The following FAR2 variants were observed in gnomAD, a reference collection of about 807,000 sequenced individuals.
FAR2 encodes the protein epididymis secretory protein Li 81.
In FAR2, 19 loss-of-function variants were observed where a neutral mutation model predicts 56.0. The ratio of observed to expected loss-of-function variants is 0.34; its 90% CI spans 0.24 to 0.50. The LOEUF is 0.50. FAR2 is among the 20% of genes least tolerant of loss of function. The probability of loss-of-function intolerance (pLI) is 0.98; values close to 1 mark genes in which losing one functional copy is unlikely to be tolerated. For missense variants in FAR2, 508 were observed against 642.2 expected (o/e 0.79, Z 2.26); for synonymous variants, 219 against 218.8 (o/e 1.00, Z -0.01).
At chr12:29,330,614 C>T (rs553564961) in intron 10 of FAR2, among the ~76,000 whole-genome samples, 13 of 152,222 alleles carry the variant, frequency 8.5e-5, no homozygotes, top group African/African-American at 3.1e-4. Flanking sequence ...ACTACTAAAT[C>T]TTTAAGATGT....
chr12:29,324,393 G>A (rs571232979), intron 10 of FAR2, among the ~76,000 whole-genome samples: 2 of 152,158 alleles, frequency 1.3e-5, no homozygotes, highest in African/African-American at 4.8e-5. Flanking sequence ...AGGAAATACA[G>A]AGAATGCCAC....
chr12:29,257,068 C>A (rs1045138269), intron 1 of FAR2, among the ~76,000 whole-genome samples: 2 of 152,362 alleles, frequency 1.3e-5, no homozygotes, highest in Admixed American at 1.3e-4. Context: ...ATCTGTAGAC[C>A]GAGTGCGGGA....
intron 1 of FAR2, among the ~76,000 whole-genome samples, chr12:29,188,772 T>G (rs1950070608): frequency 6.6e-6 from 1 of 151,818 alleles, no homozygotes; most frequent in Non-Finnish European, 1.5e-5. Context: ...TGATTGTTTG[T>G]TTTTTGTTTT....
intron 1 of FAR2, among the ~76,000 whole-genome samples, chr12:29,250,539 T>C (rs1948191696): frequency 6.6e-6 from 1 of 152,202 alleles, no homozygotes; most frequent in Admixed American, 6.5e-5. Flanking sequence ...TATTATTTAT[T>C]TTGTTAGTTA....
rs1949781460 is a variant in FAR2, at chr12:29,335,444, C to T, written c.*1650C>T. 1 of 152,076 alleles carries T rather than the reference C, an allele frequency of 6.6e-6. No individual in the cohort carries two copies. The allele number at this position is 152,076 out of a possible 1,614,324, so 9.4% of individuals were successfully genotyped here. On this transcript the variant is annotated 3_prime_UTR_variant, in exon 12 of 12. Transcript: ENST00000536681. ...TGAGTTATATCAATTAAGATACAAG[C>T]TATAGACATGATAAAAATATGAAAT...
intron 8 of FAR2, 68 bp from the exon 9 acceptor site, chr12:29,316,773 A>C: frequency 6.7e-7 from 1 of 1,487,116 alleles, no homozygotes; most frequent in South Asian, 1.2e-5. Flanking sequence ...CCCATTACAA[A>C]TGCTTTCCAC....
Position 29,307,490 on chromosome 12 carries a change from T to G in FAR2, c.546-168T>G, listed in dbSNP as rs115529954. Among the ~76,000 whole-genome samples, 780 of 152,260 alleles carry G rather than the reference T, an allele frequency of 5.1e-3. 6 individuals are homozygous for G. The highest frequency in any genetic ancestry group is 0.018 in the African/African-American group (742 of 41,548). On this transcript the variant is annotated intron_variant, in intron 4 of 11. Coordinates refer to ENST00000536681, the MANE Select transcript of FAR2 (RefSeq NM_001271783.2). Reference sequence around the variant, plus strand: ...GGCTTAGCAGTGAAGAGCAAAAAGCTCATGCATGCTTTGAGCAGGTACACA... The same window carrying G: ...GGCTTAGCAGTGAAGAGCAAAAAGCGCATGCATGCTTTGAGCAGGTACACA...
intron 1 of FAR2, among the ~76,000 whole-genome samples, chr12:29,170,467 C>G (rs1026448083): frequency 6.6e-6 from 1 of 152,210 alleles, no homozygotes; most frequent in African/African-American, 2.4e-5. Context: ...ACGGAGAAGA[C>G]CTTCAATTAT....
chr12:29,169,824 C>CT (rs544751156), intron 1 of FAR2, among the ~76,000 whole-genome samples: 29 of 152,190 alleles, frequency 1.9e-4, no homozygotes, highest in Non-Finnish European at 3.7e-4. Flanking sequence ...GATATACCTG[C>CT]TATTCTAGTT....
chr12:29,234,148 T>C (rs960409230), intron 1 of FAR2, among the ~76,000 whole-genome samples: 10 of 152,130 alleles, frequency 6.6e-5, no homozygotes, highest in Admixed American at 5.2e-4. Context: ...ACTCATCTAG[T>C]CCCATGGTTA....
intron 10 of FAR2, 111 bp from the exon 11 acceptor site, chr12:29,332,489 C>T: frequency 6.7e-7 from 1 of 1,490,034 alleles, no homozygotes; most frequent in East Asian, 2.3e-5. Flanking sequence ...AGGGTCCAAC[C>T]TATGTCTCCC....
At chr12:29,241,516 C>T (rs1316860028) in intron 1 of FAR2, among the ~76,000 whole-genome samples, 3 of 152,140 alleles carry the variant, frequency 2.0e-5, no homozygotes, top group Admixed American at 6.5e-5. Context: ...TGTTCTCCCT[C>T]TCCTTCCTCT....
At chr12:29,217,460 T>C (rs12307346) in intron 1 of FAR2, among the ~76,000 whole-genome samples, 6,543 of 152,204 alleles carry the variant, frequency 0.043, 350 homozygotes, top group African/African-American at 0.12. Flanking sequence ...TACAGGAAGC[T>C]GGAGGTGGGG....
At chr12:29,308,920 C>T (rs1324948577) in intron 5 of FAR2, among the ~76,000 whole-genome samples, 1 of 151,964 alleles carries the variant, frequency 6.6e-6, no homozygotes, top group Non-Finnish European at 1.5e-5. Context: ...CATAAGAGGT[C>T]ATAAAACACC....
At position 29,270,554 on chromosome 12, in the gene FAR2, A is replaced by G. The variant is rs748613944; in HGVS notation, c.105A>G (p.Pro35=). 8 of 1,614,162 alleles carry G rather than the reference A, an allele frequency of 5.0e-6. No individual in the cohort carries two copies. In the Admixed American group the frequency reaches 1.2e-4, roughly 24 times the overall value. Residue 35 remains proline, a synonymous_variant, in exon 2 of 12, where the codon CCA becomes CCG. Transcript: ENST00000536681. ...TGGAGAAGCTGTTTCGCACCAGCCC[A>G]GACCTGAAAGTCATTTACATCCTTG... ...VLMEKLFRTS[P]DLKVIYILVR...
At chr12:29,304,293 C>T (rs1323236640) in intron 4 of FAR2, among the ~76,000 whole-genome samples, 2 of 152,194 alleles carry the variant, frequency 1.3e-5, no homozygotes, top group African/African-American at 2.4e-5. Flanking sequence ...TGTGGAAGAA[C>T]ATGCATTTAC....
At chr12:29,243,982 A>G (rs1948083698) in intron 1 of FAR2, among the ~76,000 whole-genome samples, 1 of 150,384 alleles carries the variant, frequency 6.6e-6, no homozygotes, top group Admixed American at 6.6e-5. Flanking sequence ...CCTGGAACAT[A>G]GTGTACATTT....
At position 29,209,928 on chromosome 12, in the gene FAR2, A is replaced by T. The variant is rs12298807; in HGVS notation, c.-38-60484A>T. On this transcript the variant is annotated intron_variant, in intron 1 of 11. Transcript: ENST00000536681. Reference sequence around the variant, plus strand: ...AGCATCATAACAATTGTTATTAGGCAGGGTACAGTGACCCAGACCTGTAAT... The same window carrying T: ...AGCATCATAACAATTGTTATTAGGCTGGGTACAGTGACCCAGACCTGTAAT... Among the ~76,000 whole-genome samples the T allele has an allele frequency of 9.8e-3, 1,497 of 152,250 alleles. 22 individuals are homozygous for T. The highest frequency in any genetic ancestry group is 0.028 in the African/African-American group (1,165 of 41,548).
At chr12:29,198,518 C>T (rs938171096) in intron 1 of FAR2, among the ~76,000 whole-genome samples, 18 of 152,290 alleles carry the variant, frequency 1.2e-4, no homozygotes, top group African/African-American at 3.6e-4. Context: ...TGAGCCACCG[C>T]GCCTGGCCTC....
Sources: gnomAD v4.1 joint callset for allele counts (sites outside exome capture counted in the v4.1 genomes callset) on GRCh38, gnomAD v4.1.1 for gene constraint, MANE v1.5 for transcripts, NCBI Gene and HGNC (gene_info 2026-07-23, HGNC 2026-07-21) for gene names.